Variants in SH3GL2 observed in about 807,000 individuals in gnomAD.
SH3GL2 encodes the protein endophilin-A1.
In SH3GL2, 24 loss-of-function variants were observed where a neutral mutation model predicts 46.0. That is an observed-to-expected ratio of 0.52 (90% confidence interval 0.38 to 0.73). SH3GL2 has a LOEUF of 0.73. Ranked by LOEUF, SH3GL2 falls within the 30% of genes least tolerant of loss-of-function variation. The pLI, the probability that SH3GL2 is intolerant of heterozygous loss-of-function variation, is 0.00. For synonymous variants in SH3GL2, 196 were observed against 147.1 expected (o/e 1.33, Z -2.40); for missense variants, 413 against 424.2 (o/e 0.97, Z 0.23).
intron 1 of SH3GL2, among the ~76,000 whole-genome samples, chr9:17,649,593 A>G (rs1057481091): frequency 2.7e-4 from 41 of 152,246 alleles, no homozygotes; most frequent in Admixed American, 1.3e-4. Context: ...AATGGAAAAA[A>G]TAGTTTACTA....
At chr9:17,707,737 T>C (rs1395332711) in intron 1 of SH3GL2, among the ~76,000 whole-genome samples, 1 of 152,060 alleles carries the variant, frequency 6.6e-6, no homozygotes, top group Non-Finnish European at 1.5e-5. Flanking sequence ...ACTTTACAGC[T>C]ATTAGACCTT....
chr9:17,721,277 T>G (rs1821888509), intron 1 of SH3GL2, among the ~76,000 whole-genome samples: 1 of 152,102 alleles, frequency 6.6e-6, no homozygotes. Flanking sequence ...CAGGGTTTAT[T>G]TCAGGATTAC....
intron 1 of SH3GL2, among the ~76,000 whole-genome samples, chr9:17,662,098 C>T (rs1448831916): frequency 6.6e-6 from 1 of 152,094 alleles, no homozygotes; most frequent in Non-Finnish European, 1.5e-5. Context: ...CTGAATATTC[C>T]ATGAGTGCTT....
At chr9:17,601,693 T>C (rs1382644689) in intron 1 of SH3GL2, among the ~76,000 whole-genome samples, 2 of 152,188 alleles carry the variant, frequency 1.3e-5, no homozygotes, top group East Asian at 1.9e-4. Context: ...TTCAATAACA[T>C]TGTTAATTTT....
chr9:17,766,841 G>A (rs1823333242), intron 3 of SH3GL2, among the ~76,000 whole-genome samples: 1 of 152,036 alleles, frequency 6.6e-6, no homozygotes, highest in Non-Finnish European at 1.5e-5. Flanking sequence ...TATGTTTCAT[G>A]TTTACCTCCT....
chr9:17,633,830 G>T (rs899212723), intron 1 of SH3GL2, among the ~76,000 whole-genome samples: 2 of 152,282 alleles, frequency 1.3e-5, no homozygotes, highest in Admixed American at 6.5e-5. Context: ...GGGAGTAGGT[G>T]TATGTTCAGC....
intron 3 of SH3GL2, among the ~76,000 whole-genome samples, chr9:17,768,524 T>C (rs1482117254): frequency 6.6e-6 from 1 of 152,086 alleles, no homozygotes; most frequent in African/African-American, 2.4e-5. Context: ...ACCTAAATCC[T>C]CAGCATGGCC....
chr9:17,642,210 GT>G (rs1167709253), intron 1 of SH3GL2, among the ~76,000 whole-genome samples: 1 of 152,114 alleles, frequency 6.6e-6, no homozygotes, highest in East Asian at 1.9e-4. Context: ...GGGGCTGTTT[GT>G]TTTTTTCTTG....
chr9:17,589,523 A>G (rs1245755992), intron 1 of SH3GL2: 1 of 152,128 alleles, frequency 6.6e-6, no homozygotes, highest in Non-Finnish European at 1.5e-5. Flanking sequence ...TGGAACAGTG[A>G]CAACTTCTCT....
intron 1 of SH3GL2, among the ~76,000 whole-genome samples, chr9:17,605,787 C>G (rs1242523998): frequency 6.6e-6 from 1 of 152,158 alleles, no homozygotes. Context: ...TTCCTAAAGA[C>G]TCTCAATATT....
chr9:17,722,166 AG>A (rs1222854463), intron 1 of SH3GL2, among the ~76,000 whole-genome samples: 1 of 152,142 alleles, frequency 6.6e-6, no homozygotes, highest in Non-Finnish European at 1.5e-5. Flanking sequence ...ATTGATACCC[AG>A]GAAGTGTGGC....
At chr9:17,738,521 T>C (rs1161705730) in intron 1 of SH3GL2, among the ~76,000 whole-genome samples, 1 of 130,046 alleles carries the variant, frequency 7.7e-6, no homozygotes, top group Admixed American at 7.7e-5. Flanking sequence ...CATATGTGTG[T>C]GTATATACAT....
intron 1 of SH3GL2, among the ~76,000 whole-genome samples, chr9:17,682,394 A>G (rs946942731): frequency 3.3e-5 from 5 of 152,186 alleles, no homozygotes; most frequent in African/African-American, 9.7e-5. Flanking sequence ...AAGGAATGAG[A>G]TCAGATCCTT....
chr9:17,654,631 T>C (rs985456106), intron 1 of SH3GL2, among the ~76,000 whole-genome samples: 1 of 152,158 alleles, frequency 6.6e-6, no homozygotes, highest in African/African-American at 2.4e-5. Context: ...CTAGGAGTCT[T>C]AGAAAATCAA....
chr9:17,752,098 T>C (rs973421201), intron 2 of SH3GL2, among the ~76,000 whole-genome samples: 3 of 152,214 alleles, frequency 2.0e-5, no homozygotes, highest in South Asian at 4.1e-4. Flanking sequence ...AACACGTTGT[T>C]TGTCAGTTGG....
chr9:17,711,495 C>G (rs944087467), intron 1 of SH3GL2, among the ~76,000 whole-genome samples: 6 of 151,978 alleles, frequency 3.9e-5, no homozygotes, highest in African/African-American at 1.2e-4. Flanking sequence ...CCCCAGACGA[C>G]CAATGTTATT....
chr9:17,747,059 TC>T lies in SH3GL2; in HGVS notation c.46-6del, dbSNP rs1287026301. On this transcript the variant is annotated splice_polypyrimidine_tract_variant and splice_region_variant and intron_variant, in intron 1 of 8. Coordinates refer to ENST00000380607, the MANE Select transcript of SH3GL2 (RefSeq NM_003026.5). Reference sequence around the variant, plus strand: ...TAATAATTCTCCTTTGTGGTTATTTTCTACAGAAAGTGAGTGAGAAGGTTGG... The same window carrying T: ...TAATAATTCTCCTTTGTGGTTATTTTTACAGAAAGTGAGTGAGAAGGTTGG... The T allele has an allele frequency of 3.2e-6, 5 of 1,585,574 alleles. No individual in the cohort carries two copies. The highest frequency in any genetic ancestry group is 4.3e-6 in the Non-Finnish European group (5 of 1,156,400).
At position 17,764,737 on chromosome 9, in the gene SH3GL2, G is replaced by A. The variant is rs551070994; in HGVS notation, c.187+3228G>A. On this transcript the variant is annotated intron_variant, in intron 3 of 8. Transcript: ENST00000380607. ...GCCAGGGGAATCAGTAGGATTTGAT[G>A]CTTCGAGGGTACTTTGGGAGTACAT... Among the ~76,000 whole-genome samples the A allele has an allele frequency of 2.8e-3, 173 of 61,218 alleles. 9 individuals are homozygous for A. The highest frequency in any genetic ancestry group is 1.0e-2 in the African/African-American group (162 of 16,208). The allele number at this position is 61,218 out of a possible 152,430, so 40.2% of individuals were successfully genotyped here.
intron 3 of SH3GL2, among the ~76,000 whole-genome samples, chr9:17,763,625 C>T (rs534979397): frequency 6.6e-5 from 10 of 152,314 alleles, no homozygotes; most frequent in East Asian, 1.9e-4. Context: ...TTCAGACTTC[C>T]GGTATGCTGA....
Sources: allele counts gnomAD v4.1 joint callset (sites outside exome capture counted in the v4.1 genomes callset), GRCh38; gene constraint gnomAD v4.1.1; transcripts MANE v1.5; gene names NCBI Gene and HGNC (gene_info 2026-07-23, HGNC 2026-07-21).